The following MAPKAP1 variants were observed in gnomAD, a reference collection of about 807,000 sequenced individuals.
The protein encoded by MAPKAP1 is target of rapamycin complex 2 subunit MAPKAP1.
A neutral mutation model predicts 65.7 loss-of-function variants in MAPKAP1; 20 were observed. The ratio of observed to expected loss-of-function variants is 0.30; its 90% CI spans 0.21 to 0.44. The LOEUF is 0.44. Ranked by LOEUF, MAPKAP1 falls within the 20% of genes least tolerant of loss-of-function variation. The pLI, the probability that MAPKAP1 is intolerant of heterozygous loss-of-function variation, is 1.00. For synonymous variants in MAPKAP1, 222 were observed against 244.3 expected (o/e 0.91, Z 0.85); for missense variants, 423 against 648.0 (o/e 0.65, Z 3.77).
intron 4 of MAPKAP1, among the ~76,000 whole-genome samples, chr9:125,603,198 C>T (rs974553456): frequency 3.9e-5 from 6 of 152,070 alleles, no homozygotes; most frequent in African/African-American, 1.2e-4. Context: ...TGTGAGCCAC[C>T]GCACCCAGCC....
At chr9:125,494,272 T>A (rs1334147602) in intron 8 of MAPKAP1, among the ~76,000 whole-genome samples, 1 of 152,092 alleles carries the variant, frequency 6.6e-6, no homozygotes, top group African/African-American at 2.4e-5. Context: ...AAACAATCAA[T>A]AGGTGATATA....
At chr9:125,608,084 C>T (rs1272626815) in intron 4 of MAPKAP1, among the ~76,000 whole-genome samples, 9 of 152,132 alleles carry the variant, frequency 5.9e-5, no homozygotes, top group Non-Finnish European at 1.3e-4. Context: ...TCCAACAGTC[C>T]CACTGCAACC....
At chr9:125,662,559 C>A (rs1460288612) in intron 3 of MAPKAP1, among the ~76,000 whole-genome samples, 1 of 151,678 alleles carries the variant, frequency 6.6e-6, no homozygotes, top group African/African-American at 2.4e-5. Flanking sequence ...GGCGGGCACC[C>A]GTAGTCCCAG....
chr9:125,540,331 T>C (rs758725608), intron 7 of MAPKAP1, among the ~76,000 whole-genome samples: 2 of 152,200 alleles, frequency 1.3e-5, no homozygotes, highest in Non-Finnish European at 2.9e-5. Flanking sequence ...AATTTATTAT[T>C]ATTATCAGAC....
chr9:125,649,264 TAGTC>T (rs1172411916), intron 4 of MAPKAP1, among the ~76,000 whole-genome samples: 3 of 152,162 alleles, frequency 2.0e-5, no homozygotes, highest in African/African-American at 4.8e-5. Context: ...ACCTGGTAAT[TAGTC>T]AGGTAGTGAG....
At chr9:125,483,389 G>A (rs564032065) in intron 9 of MAPKAP1, among the ~76,000 whole-genome samples, 1 of 152,362 alleles carries the variant, frequency 6.6e-6, no homozygotes, top group Non-Finnish European at 1.5e-5. Flanking sequence ...AAAGGAACAT[G>A]TGAGGAGATT....
At chr9:125,592,484 A>G (rs1831993065) in intron 4 of MAPKAP1, among the ~76,000 whole-genome samples, 4 of 152,254 alleles carry the variant, frequency 2.6e-5, no homozygotes, top group African/African-American at 4.8e-5. Flanking sequence ...TAAATATTAT[A>G]AACTAAAAAG....
chr9:125,673,484 C>T (rs902369602), intron 1 of MAPKAP1, among the ~76,000 whole-genome samples: 10 of 152,268 alleles, frequency 6.6e-5, no homozygotes, highest in African/African-American at 2.4e-4. Context: ...CCTTGGCCTC[C>T]CAAAGTGCTG....
intron 1 of MAPKAP1, among the ~76,000 whole-genome samples, chr9:125,677,819 C>T (rs1834696083): frequency 6.6e-6 from 1 of 152,140 alleles, no homozygotes; most frequent in Non-Finnish European, 1.5e-5. Context: ...TTTAACACCA[C>T]GTTCTTTAAA....
chr9:125,656,947 C>G (rs770489613), intron 4 of MAPKAP1, among the ~76,000 whole-genome samples: 8 of 152,130 alleles, frequency 5.3e-5, no homozygotes, highest in Non-Finnish European at 8.8e-5. Context: ...AATTTCATAA[C>G]AGCAAACTTA....
rs570378174 is a variant in MAPKAP1 at position 125,534,131 on chromosome 9, T to C, written c.958+8928A>G. Among the ~76,000 whole-genome samples, 6 of 152,292 alleles carry C rather than the reference T, an allele frequency of 3.9e-5. No individual in the cohort carries two copies. The South Asian group carries it at 1.2e-3, about 32-fold the overall frequency. The stretch of plus-strand genomic sequence containing the variant: ...TTTACTGAGTATACTATTTGACAGG[T>C]ACCTTGACAGATGTTGAATATGTAA... On this transcript the variant is annotated intron_variant, in intron 7 of 11. Coordinates refer to ENST00000265960, the MANE Select transcript of MAPKAP1 (RefSeq NM_001006617.3).
At chr9:125,593,095 A>G (rs1432657349) in intron 4 of MAPKAP1, among the ~76,000 whole-genome samples, 1 of 152,028 alleles carries the variant, frequency 6.6e-6, no homozygotes, top group Non-Finnish European at 1.5e-5. Flanking sequence ...TCAGGAGTCC[A>G]GACCAGCCTG....
Position 125,707,205 on chromosome 9 carries a change from C to G in MAPKAP1, c.-304G>C, listed in dbSNP as rs943787158. ...CAGCCCTATTACCCCGAGCCGCACA[C>G]GACCCGGAACCACACCCCGGCGTTC... On this transcript the variant is annotated 5_prime_UTR_variant, in exon 1 of 12. Transcript: ENST00000265960. The G allele has an allele frequency of 2.5e-6, 1 of 397,996 alleles. No individual in the cohort carries two copies. The highest frequency in any genetic ancestry group is 2.1e-5 in the African/African-American group (1 of 48,614). The allele number at this position is 397,996 out of a possible 1,614,324, so 24.7% of individuals were successfully genotyped here. A position where few individuals can be genotyped will look rare whatever the true frequency, so the allele number is the denominator to read the frequency against.
chr9:125,635,030 A>C (rs1833384564), intron 4 of MAPKAP1, among the ~76,000 whole-genome samples: 1 of 152,150 alleles, frequency 6.6e-6, no homozygotes, highest in Non-Finnish European at 1.5e-5. Flanking sequence ...TTAGTCAACA[A>C]ATAGAGCTAA....
At chr9:125,680,668 T>A (rs1001518097) in intron 1 of MAPKAP1, among the ~76,000 whole-genome samples, 1 of 152,232 alleles carries the variant, frequency 6.6e-6, no homozygotes, top group Non-Finnish European at 1.5e-5. Flanking sequence ...AAATGATTTA[T>A]CTTATTTTGA....
intron 4 of MAPKAP1, among the ~76,000 whole-genome samples, chr9:125,617,920 A>C (rs1832791175): frequency 6.6e-6 from 1 of 152,238 alleles, no homozygotes. Context: ...ACAACTGTTT[A>C]TACCTTGGAG....
intron 6 of MAPKAP1, among the ~76,000 whole-genome samples, chr9:125,543,442 AT>A (rs751120452): frequency 5.9e-3 from 797 of 134,386 alleles, no homozygotes; most frequent in Middle Eastern, 7.5e-3. Context: ...AATTTTTTGT[AT>A]TTTTTTTTTT....
chr9:125,450,153 C>G (rs1852888692), intron 10 of MAPKAP1, among the ~76,000 whole-genome samples: 1 of 152,158 alleles, frequency 6.6e-6, no homozygotes, highest in Non-Finnish European at 1.5e-5. Context: ...CTAACACAAC[C>G]TGCCAGTACT....
chr9:125,587,392 C>A (rs902825977), intron 4 of MAPKAP1, among the ~76,000 whole-genome samples: 1 of 152,110 alleles, frequency 6.6e-6, no homozygotes, highest in Non-Finnish European at 1.5e-5. Context: ...ATGGTGAAAT[C>A]CCCTCTCTAA....
Sources: gnomAD v4.1 joint callset for allele counts (sites outside exome capture counted in the v4.1 genomes callset) on GRCh38, gnomAD v4.1.1 for gene constraint, MANE v1.5 for transcripts, NCBI Gene and HGNC (gene_info 2026-07-23, HGNC 2026-07-21) for gene names.